The following TCAIM variants were observed in gnomAD, a reference collection of about 807,000 sequenced individuals.
The protein encoded by TCAIM is T-cell activation inhibitor, mitochondrial.
A neutral mutation model predicts 58.6 loss-of-function variants in TCAIM; 36 were observed. The ratio of observed to expected loss-of-function variants is 0.61; its 90% confidence interval spans 0.47 to 0.81. TCAIM has a LOEUF of 0.81. TCAIM is among the 30% of genes least tolerant of loss of function. The pLI, the probability that TCAIM is intolerant of heterozygous loss-of-function variation, is 0.00. For missense variants in TCAIM, 466 were observed against 579.6 expected, an observed-to-expected ratio of 0.80 and a Z score of 2.01; for synonymous variants, 172 against 193.6, an observed-to-expected ratio of 0.89 and a Z score of 0.93.
intron 1 of TCAIM, chr3:44,340,999 AC>A (rs2125712615): frequency 6.6e-6 from 1 of 152,318 alleles, no homozygotes; most frequent in South Asian, 2.1e-4. Flanking sequence ...CTTAAACAGA[AC>A]GAGAAAATAT....
intron 1 of TCAIM, among the ~76,000 whole-genome samples, chr3:44,342,129 AG>A (rs1700866934): frequency 6.6e-6 from 1 of 152,186 alleles, no homozygotes; most frequent in South Asian, 2.1e-4. Flanking sequence ...TATAAAATAA[AG>A]ACAAAATTCA....
chr3:44,375,907 A>G (rs1701557571), intron 5 of TCAIM, among the ~76,000 whole-genome samples: 1 of 152,270 alleles, frequency 6.6e-6, no homozygotes, highest in Non-Finnish European at 1.5e-5. Flanking sequence ...TATAATAGCC[A>G]AAAGTGGAAA....
At chr3:44,362,210 G>GT (rs1313260459) in intron 4 of TCAIM, among the ~76,000 whole-genome samples, 6 of 152,170 alleles carry the variant, frequency 3.9e-5, no homozygotes, top group Non-Finnish European at 8.8e-5. Context: ...AGGATACACT[G>GT]TAATTTTTTT....
rs1402424900 is a variant in TCAIM at position 44,357,788 on chromosome 3, C to T, written c.77C>T (p.Ala26Val). 3.7e-6 allele frequency: 6 copies of T among 1,614,122 alleles called. No homozygotes were observed. The highest frequency in any genetic ancestry group is 1.6e-4 in the Middle Eastern group (1 of 6,062). The change falls in exon 3 of 11, where the codon GCT becomes GTT. Residue 26 changes from alanine (A) to valine (V), a missense_variant. Coordinates refer to ENST00000342649, the MANE Select transcript of TCAIM (RefSeq NM_173826.4). ...CCACACTGGTTTCCCTTTTCAAGAG[C>T]TTTATCGGGAGCTGAAGCAGTCAAT... Reference protein sequence around the residue: ...IFPHWFPFSRALSGAEAVNAL... With the variant: ...IFPHWFPFSRVLSGAEAVNAL...
chr3:44,343,978 C>T (rs1047336343), intron 1 of TCAIM, among the ~76,000 whole-genome samples: 1 of 148,632 alleles, frequency 6.7e-6, no homozygotes, highest in Non-Finnish European at 1.5e-5. Context: ...AGACCTTGAA[C>T]TTTACACAAA....
Position 44,361,422 on chromosome 3 carries a change from C to A in TCAIM, c.223C>A (p.Pro75Thr). 6.2e-7 allele frequency: 1 copy of A among 1,613,018 alleles called. No individual in the cohort carries two copies. Among genetic ancestry groups the A allele is most frequent in the East Asian group, 2.2e-5 (1 of 44,830 alleles). Reference protein sequence around the residue: ...LSVYLENLQKPGFKSLKPTQL... With the variant: ...LSVYLENLQKTGFKSLKPTQL... ...TGTCTACCTAGAAAACCTCCAGAAA[C>A]CAGGCTTCAAGTCTTTGAAACCAAC... Residue 75 changes from proline to threonine, a missense_variant, in exon 4 of 11, where the codon CCA becomes ACA. Pro to Thr is a conservative substitution (Grantham distance 38, BLOSUM62 -1). Transcript: ENST00000342649.
intron 5 of TCAIM, among the ~76,000 whole-genome samples, chr3:44,388,087 TTGAG>T (rs1187356535): frequency 6.6e-6 from 1 of 151,832 alleles, no homozygotes; most frequent in Non-Finnish European, 1.5e-5. Context: ...CCTGAACCAT[TTGAG>T]TAAGTTGCAG....
intron 5 of TCAIM, among the ~76,000 whole-genome samples, chr3:44,387,510 A>C (rs1421569443): frequency 1.3e-5 from 2 of 152,182 alleles, no homozygotes; most frequent in African/African-American, 4.8e-5. Flanking sequence ...CTCAGTTCCC[A>C]CAGTGGTACA....
intron 5 of TCAIM, among the ~76,000 whole-genome samples, chr3:44,368,147 A>C (rs1283408073): frequency 2.6e-5 from 4 of 152,354 alleles, no homozygotes; most frequent in African/African-American, 9.6e-5. Context: ...TACATAAGAA[A>C]AATACATGGT....
intron 1 of TCAIM, among the ~76,000 whole-genome samples, chr3:44,351,065 C>T (rs890061990): frequency 5.3e-5 from 8 of 152,246 alleles, no homozygotes; most frequent in South Asian, 2.1e-4. Flanking sequence ...TGCAATGGTG[C>T]GATCTCGGCT....
chr3:44,396,831 A>G lies in TCAIM; in HGVS notation c.882A>G (p.Thr294=). ...LGTMDVHHHW[T]KLFERLPSYF... is the part of the protein sequence containing the mutation. ...CAATGGATGTCCATCACCACTGGAC[A>G]AAAGTAAGAAAGAGCCTTAAAATTA... Residue 294 remains threonine (T), a synonymous_variant, in exon 8 of 11, where the codon ACA becomes ACG. Coordinates refer to ENST00000342649, the MANE Select transcript of TCAIM (RefSeq NM_173826.4). 1 of 1,612,324 alleles carries G rather than the reference A, an allele frequency of 6.2e-7. No homozygotes were observed. The highest frequency in any genetic ancestry group is 8.5e-7 in the Non-Finnish European group (1 of 1,179,208).
chr3:44,357,024 T>C (rs543946922), intron 2 of TCAIM, among the ~76,000 whole-genome samples: 1 of 151,784 alleles, frequency 6.6e-6, no homozygotes, highest in Non-Finnish European at 1.5e-5. Context: ...CTAGTATAAT[T>C]TTAGCATGCT....
chr3:44,393,372 G>A (rs1343756246), intron 6 of TCAIM, among the ~76,000 whole-genome samples: 2 of 152,038 alleles, frequency 1.3e-5, no homozygotes, highest in Non-Finnish European at 2.9e-5. Flanking sequence ...GAGGCAAGAG[G>A]ATCACTTAAG....
intron 10 of TCAIM, 95 bp downstream of exon 10, chr3:44,401,429 A>G: frequency 6.8e-7 from 1 of 1,467,320 alleles, no homozygotes; most frequent in Non-Finnish European, 9.2e-7. Flanking sequence ...TGGAAACAGT[A>G]TGAAGCTTAG....
chr3:44,346,098 A>C (rs759033278), intron 1 of TCAIM, among the ~76,000 whole-genome samples: 1 of 152,094 alleles, frequency 6.6e-6, no homozygotes, highest in Non-Finnish European at 1.5e-5. Flanking sequence ...GAGAAGGGCA[A>C]GTGGTAAAAG....
At chr3:44,407,347 C>A in intron 10 of TCAIM, 95 bp from the exon 11 acceptor site, 1 of 1,077,848 alleles carries the variant, frequency 9.3e-7, no homozygotes, top group Non-Finnish European at 1.3e-6. Flanking sequence ...CAGTTAGGGC[C>A]CCAACATGTA....
chr3:44,396,206 A>G (rs1372065547), intron 6 of TCAIM, among the ~76,000 whole-genome samples, 194 bp from the exon 7 acceptor site: 7 of 152,376 alleles, frequency 4.6e-5, no homozygotes, highest in East Asian at 1.9e-4. Flanking sequence ...CCCTCTGGTA[A>G]ACAATTCATT....
chr3:44,350,973 C>T (rs1701075417), intron 1 of TCAIM, among the ~76,000 whole-genome samples: 1 of 152,134 alleles, frequency 6.6e-6, no homozygotes, highest in Non-Finnish European at 1.5e-5. Context: ...AACACTGAAC[C>T]TTCAAATAGT....
At chr3:44,340,338 G>A (rs920370300) in intron 1 of TCAIM, 1 of 152,168 alleles carries the variant, frequency 6.6e-6, no homozygotes, top group Non-Finnish European at 1.5e-5. Flanking sequence ...CAAGGCCCAC[G>A]TATTTCTGTC....
Sources: allele counts gnomAD v4.1 joint callset (sites outside exome capture counted in the v4.1 genomes callset), GRCh38; gene constraint gnomAD v4.1.1; transcripts MANE v1.5; gene names NCBI Gene and HGNC (gene_info 2026-07-23, HGNC 2026-07-21).